TP53BP1: variants seen among roughly 807,000 people sequenced by gnomAD.
TP53BP1 encodes the protein TP53-binding protein 1.
A neutral mutation model predicts 200.8 loss-of-function variants in TP53BP1; 61 were observed. That is an observed-to-expected ratio of 0.30 (90% CI 0.25 to 0.38). The LOEUF is 0.38. Among genes scored for constraint, TP53BP1 ranks in the 10% least tolerant of loss-of-function variants. The pLI, the probability that TP53BP1 is intolerant of heterozygous loss-of-function variation, is 1.00. For missense variants in TP53BP1, 2,144 were observed against 2,371.9 expected, an observed-to-expected ratio of 0.90 and a Z score of 2.00; for synonymous variants, 822 against 844.3, an observed-to-expected ratio of 0.97 and a Z score of 0.46.
intron 14 of TP53BP1, 22 bp from the exon 15 acceptor site, chr15:43,441,605 G>A: frequency 1.3e-6 from 2 of 1,574,470 alleles, no homozygotes; most frequent in Non-Finnish European, 1.7e-6. Flanking sequence ...CAAAACCAAG[G>A]AGAGAAAGGA....
chr15:43,460,337 T>C (rs7181438), intron 11 of TP53BP1, among the ~76,000 whole-genome samples: 1 of 152,162 alleles, frequency 6.6e-6, no homozygotes, highest in Non-Finnish European at 1.5e-5. Context: ...CACGGCTCAT[T>C]GCAGCCTTAA....
chr15:43,415,202 C>CTT (rs763958465), intron 23 of TP53BP1: 1,320 of 187,276 alleles, frequency 7.0e-3, no homozygotes, highest in South Asian at 0.015. Context: ...TCCTGGCCTT[C>CTT]TTTTTTTTTT....
At chr15:43,504,903 C>T (rs2079228285) in intron 1 of TP53BP1, among the ~76,000 whole-genome samples, 1 of 152,096 alleles carries the variant, frequency 6.6e-6, no homozygotes, top group Non-Finnish European at 1.5e-5. Context: ...ACCTGCAATC[C>T]CAGCTACTCG....
chr15:43,446,446 A>G lies in TP53BP1; in HGVS notation c.2981T>C (p.Met994Thr). 1 of 1,614,186 alleles carries G rather than the reference A, an allele frequency of 6.2e-7. No homozygotes were observed. Among genetic ancestry groups the G allele is most frequent in the Non-Finnish European group, 8.5e-7 (1 of 1,180,032 alleles). The stretch of plus-strand genomic sequence containing the variant: ...CTCAGTCTCAGGACTAACCAGTTTC[A>G]TTCTTAGACATAATTTATCATCCAC... ...PDVDDKLCLR[M>T]KLVSPETEAS... is the part of the protein sequence containing the mutation. Residue 994 changes from methionine to threonine, a missense_variant, in exon 14 of 28, where the codon ATG (methionine) becomes ACG (threonine). Physicochemically the swap from Met to Thr is moderately conservative, Grantham distance 81. This residue lies in a region of TP53BP1 where 1,700 missense variants were observed against 1,710.3 expected (regional missense o/e 0.99). Transcript: ENST00000382044.
intron 21 of TP53BP1, among the ~76,000 whole-genome samples, chr15:43,419,216 T>A (rs1310761402): frequency 6.6e-6 from 1 of 152,104 alleles, no homozygotes. Flanking sequence ...TGAGTGAGAC[T>A]GTTTCAAAAA....
chr15:43,427,964 A>G lies in TP53BP1; in HGVS notation c.3828+52T>C, dbSNP rs548823639. On this transcript the variant is annotated intron_variant, in intron 18 of 27. Coordinates refer to ENST00000382044, the MANE Select transcript of TP53BP1 (RefSeq NM_001141980.3). ...AAAGTAAGACCCTGTCTCCAAAAAA[A>G]AAAAAAAAAGAAAGAAAGAAATTTG... The G allele has an allele frequency of 1.2e-5, 16 of 1,389,332 alleles. No individual in the cohort carries two copies. In the East Asian group the frequency reaches 3.5e-4, roughly 31 times the overall value. 86.1% of individuals were successfully genotyped at this position (1,389,332 alleles called of 1,614,324 possible).
Position 43,404,073 on chromosome 15 carries a change from C to A in TP53BP1, c.*3310G>T, listed in dbSNP as rs1004181300. 9 of 524,564 alleles carry A rather than the reference C, an allele frequency of 1.7e-5. No individual in the cohort carries two copies. The highest frequency in any genetic ancestry group is 3.8e-5 in the African/African-American group (2 of 52,662). The allele number at this position is 524,564 out of a possible 1,614,324, so 32.5% of individuals were successfully genotyped here. A position where few individuals can be genotyped will look rare whatever the true frequency, so the allele number is the denominator to read the frequency against. ...GTTCTAACTTCCTCACATCCTCCCC[C>A]CTCCTTACTTCCTTGAACTAACCCC... On this transcript the variant is annotated 3_prime_UTR_variant, in exon 28 of 28. Coordinates refer to ENST00000382044, the MANE Select transcript of TP53BP1 (RefSeq NM_001141980.3).
Position 43,479,453 on chromosome 15 carries a change from T to G in TP53BP1, c.732A>C (p.Thr244=). The change falls in exon 7 of 28, where the codon ACA becomes ACC. Residue 244 remains threonine, a synonymous_variant. Transcript: ENST00000382044. ...AEQSSKDIPV[T]AQPSKDVHVV... ...CATGTACATCCTTACTGGGCTGTGC[T>G]GTCACAGGGATGTCCTTGCTGGACT... The G allele has an allele frequency of 6.2e-7, 1 of 1,613,958 alleles. No homozygotes were observed.
chr15:43,465,256 C>T (rs1472245530), intron 11 of TP53BP1, among the ~76,000 whole-genome samples: 3 of 151,934 alleles, frequency 2.0e-5, no homozygotes, highest in African/African-American at 7.3e-5. Flanking sequence ...TGAGTGAGTG[C>T]TAAAGGGCAT....
chr15:43,418,205 A>T (rs1203547264), intron 21 of TP53BP1, among the ~76,000 whole-genome samples: 1 of 143,118 alleles, frequency 7.0e-6, no homozygotes, highest in Non-Finnish European at 1.5e-5. Context: ...AAAAAAAAAA[A>T]TCCATTTTTT....
intron 1 of TP53BP1, among the ~76,000 whole-genome samples, chr15:43,506,111 T>C (rs1361272951): frequency 6.6e-6 from 1 of 152,174 alleles, no homozygotes; most frequent in Non-Finnish European, 1.5e-5. Context: ...ATCTTTTCTT[T>C]ATGAATTGCC....
intron 21 of TP53BP1, 98 bp downstream of exon 21, chr15:43,420,207 G>A: frequency 8.2e-7 from 1 of 1,214,636 alleles, no homozygotes; most frequent in Non-Finnish European, 1.2e-6. Context: ...AGAGACACTG[G>A]AAAAGTACCA....
rs369873253 is a variant in TP53BP1 at position 43,421,938 on chromosome 15, G to A, written c.4017C>T (p.Ala1339=). ...CGCTGGTTTTCCCTCTGAGTGGTCC[G>A]GCTCCTTTCCCTGAGCTTCCACTGC... ...MHSSGSSGKG[A]GPLRGKTSGT... is the part of the protein sequence containing the mutation. Residue 1339 remains alanine (A), a synonymous_variant, in exon 19 of 28, where the codon GCC becomes GCT. Coordinates refer to ENST00000382044, the MANE Select transcript of TP53BP1 (RefSeq NM_001141980.3). The A allele has an allele frequency of 2.9e-5, 47 of 1,614,176 alleles. No individual in the cohort carries two copies. Among genetic ancestry groups the A allele is most frequent in the Middle Eastern group, 1.6e-4 (1 of 6,062 alleles).
chr15:43,458,148 T>A (rs2467743), intron 11 of TP53BP1, among the ~76,000 whole-genome samples: 42,925 of 151,882 alleles, frequency 0.28, 10,272 homozygotes, highest in African/African-American at 0.65. Context: ...GCAACTAACA[T>A]AGGCCAGGCA....
chr15:43,452,546 G>C (rs140629196), intron 12 of TP53BP1, among the ~76,000 whole-genome samples: 2,235 of 152,212 alleles, frequency 0.015, 21 homozygotes, highest in Non-Finnish European at 0.024. Context: ...CTGGGCGACA[G>C]AGTGAGACCC....
At chr15:43,443,503 C>G (rs2045974063) in intron 14 of TP53BP1, among the ~76,000 whole-genome samples, 1 of 151,834 alleles carries the variant, frequency 6.6e-6, no homozygotes, top group African/African-American at 2.4e-5. Flanking sequence ...ACCAGCCTGG[C>G]TAACATGGCG....
chr15:43,486,628 A>G (rs895678696), intron 4 of TP53BP1, among the ~76,000 whole-genome samples: 4 of 151,826 alleles, frequency 2.6e-5, no homozygotes, highest in Admixed American at 6.6e-5. Flanking sequence ...ACTATTATTT[A>G]TTTATTTGTT....
In TP53BP1 at chr15:43,407,368, T is replaced by C; in HGVS notation, c.*15A>G. The C allele has an allele frequency of 6.2e-7, 1 of 1,612,432 alleles. No homozygotes were observed. Among genetic ancestry groups the C allele is most frequent in the Non-Finnish European group, 8.5e-7 (1 of 1,178,572 alleles). ...CCACGATAGCAGGGAATAAAACCAG[T>C]AAGACCAAGTATCTTTAGTGAGAAA... is the stretch of plus-strand genomic sequence containing the variant. On this transcript the variant is annotated 3_prime_UTR_variant, in exon 28 of 28. Coordinates refer to ENST00000382044, the MANE Select transcript of TP53BP1 (RefSeq NM_001141980.3).
At chr15:43,436,694 G>C (rs1420207100) in intron 16 of TP53BP1, among the ~76,000 whole-genome samples, 2 of 151,140 alleles carry the variant, frequency 1.3e-5, no homozygotes, top group Non-Finnish European at 2.9e-5. Flanking sequence ...TGTCACCCAG[G>C]CTCATCTCAA....
Sources: allele counts gnomAD v4.1 joint callset (sites outside exome capture counted in the v4.1 genomes callset), GRCh38; gene constraint gnomAD v4.1.1; regional missense constraint gnomAD v4.1.1; transcripts MANE v1.5; gene names NCBI Gene and HGNC (gene_info 2026-07-23, HGNC 2026-07-21).